LMBR1: variants seen among roughly 807,000 people sequenced by gnomAD.
LMBR1 encodes the protein limb development membrane protein 1, also known as limb region 1 protein homolog.
A neutral mutation model predicts 73.9 loss-of-function variants in LMBR1; 52 were observed. The ratio of observed to expected loss-of-function variants is 0.70; its 90% CI spans 0.56 to 0.89. The LOEUF (loss-of-function observed/expected upper bound fraction) is 0.89. Ranked by LOEUF, LMBR1 falls within the 40% of genes least tolerant of loss-of-function variation. The probability of loss-of-function intolerance (pLI) is 0.00; values close to 1 mark genes in which losing one functional copy is unlikely to be tolerated. For synonymous variants in LMBR1, 215 were observed against 209.4 expected (o/e 1.03, Z -0.23); for missense variants, 539 against 579.8 (o/e 0.93, Z 0.72).
At chr7:156,697,697 T>C (rs565521729) in intron 15 of LMBR1, among the ~76,000 whole-genome samples, 1 of 152,224 alleles carries the variant, frequency 6.6e-6, no homozygotes, top group African/African-American at 2.4e-5. Context: ...TCAGACCTTA[T>C]GGTTGTCTTC....
At position 156,689,842 on chromosome 7, in the gene LMBR1, A is replaced by G. The variant is rs189179751; in HGVS notation, c.1226-1651T>C. On this transcript the variant is annotated intron_variant, in intron 15 of 16. Transcript: ENST00000353442. ...TGTTAAAAGGAATACATATCTAATT[A>G]TAAGTTTTATTTTTCAAATACAGTA... is the stretch of plus-strand genomic sequence containing the variant. 2.0e-5 allele frequency among the ~76,000 whole-genome samples: 3 copies of G among 152,338 alleles called. No homozygotes were observed. In the East Asian group the frequency reaches 5.8e-4, roughly 29 times the overall value.
intron 3 of LMBR1, 68 bp downstream of exon 3, chr7:156,833,685 A>G (rs1837086000): frequency 2.6e-6 from 3 of 1,165,294 alleles, no homozygotes; most frequent in South Asian, 2.6e-5. Context: ...TCCAAAAATT[A>G]GAATTGGATT....
intron 1 of LMBR1, among the ~76,000 whole-genome samples, chr7:156,874,766 A>G (rs1799911710): frequency 6.6e-6 from 1 of 152,194 alleles, no homozygotes; most frequent in South Asian, 2.1e-4. Flanking sequence ...CATCTGTGGA[A>G]CACCCCGGGA....
At chr7:156,847,990 T>C (rs1045223368) in intron 1 of LMBR1, among the ~76,000 whole-genome samples, 2 of 151,870 alleles carry the variant, frequency 1.3e-5, no homozygotes, top group African/African-American at 4.8e-5. Context: ...CTTTTCATAA[T>C]TGCCAAAACT....
chr7:156,721,150 T>G (rs577792054), intron 15 of LMBR1, among the ~76,000 whole-genome samples: 1 of 152,250 alleles, frequency 6.6e-6, no homozygotes, highest in African/African-American at 2.4e-5. Context: ...AAAAACAAAT[T>G]GTATTTGGAC....
intron 15 of LMBR1, among the ~76,000 whole-genome samples, chr7:156,698,821 C>T (rs566085983): frequency 1.6e-4 from 24 of 152,342 alleles, no homozygotes; most frequent in Non-Finnish European, 3.1e-4. Flanking sequence ...TGGTGATTAA[C>T]ATTCAGCTCC....
At chr7:156,835,782 C>A (rs1837539247) in intron 2 of LMBR1, among the ~76,000 whole-genome samples, 1 of 151,890 alleles carries the variant, frequency 6.6e-6, no homozygotes, top group South Asian at 2.1e-4. Context: ...ACACTACCAA[C>A]TAGGTCCAGG....
At chr7:156,714,355 A>T (rs2132234078) in intron 15 of LMBR1, among the ~76,000 whole-genome samples, 1 of 152,338 alleles carries the variant, frequency 6.6e-6, no homozygotes, top group Middle Eastern at 3.4e-3. Flanking sequence ...GTCTTGAATG[A>T]CATGTTAGGT....
chr7:156,790,564 A>G (rs2133309268), intron 5 of LMBR1, among the ~76,000 whole-genome samples: 1 of 152,140 alleles, frequency 6.6e-6, no homozygotes, highest in African/African-American at 2.4e-5. Context: ...GCAAAGATGA[A>G]CATACTATAT....
chr7:156,816,134 C>T lies in LMBR1; in HGVS notation c.319+10471G>A, dbSNP rs561484370. Among the ~76,000 whole-genome samples the T allele has an allele frequency of 2.0e-4, 30 of 152,222 alleles. No homozygotes were observed. The South Asian group carries it at 2.3e-3, about 12-fold the overall frequency. On this transcript the variant is annotated intron_variant, in intron 4 of 16. Transcript: ENST00000353442. ...GTATCTCTTCTGACTAACCAATACA[C>T]TTACTTTTATTAAAACAAAGATAGT... is the stretch of plus-strand genomic sequence containing the variant.
At chr7:156,778,518 A>G (rs192221994) in intron 5 of LMBR1, among the ~76,000 whole-genome samples, 34 of 152,326 alleles carry the variant, frequency 2.2e-4, no homozygotes, top group Middle Eastern at 6.8e-3. Flanking sequence ...CTTTACATAA[A>G]CCTTTTAAAA....
At chr7:156,839,786 G>T (rs889286584) in intron 1 of LMBR1, among the ~76,000 whole-genome samples, 5 of 152,202 alleles carry the variant, frequency 3.3e-5, no homozygotes, top group Admixed American at 6.5e-5. Context: ...GGGCATCAAA[G>T]ATTCCCTGCC....
chr7:156,807,400 G>A (rs1025069033), intron 4 of LMBR1, among the ~76,000 whole-genome samples: 6 of 151,418 alleles, frequency 4.0e-5, no homozygotes, highest in African/African-American at 1.5e-4. Context: ...GAATATTTGA[G>A]AAGGCTTTAA....
At chr7:156,786,572 A>G (rs1247693745) in intron 5 of LMBR1, among the ~76,000 whole-genome samples, 1 of 152,226 alleles carries the variant, frequency 6.6e-6, no homozygotes, top group Admixed American at 6.5e-5. Context: ...AGAATAGACT[A>G]TATTATTCAT....
intron 15 of LMBR1, among the ~76,000 whole-genome samples, chr7:156,693,344 T>A (rs542379940): frequency 6.7e-6 from 1 of 149,502 alleles, no homozygotes; most frequent in African/African-American, 2.5e-5. Flanking sequence ...TTAGAAAATA[T>A]AGAAACATTA....
Position 156,727,919 on chromosome 7 carries a change from T to G in LMBR1, c.993+11A>C. ...TGCAAAAGAAAGACATTTTAAAGGATTTTACTTTACCCTTGTTCCTTTTGG... is the reference window on the plus strand; with the variant it reads ...TGCAAAAGAAAGACATTTTAAAGGAGTTTACTTTACCCTTGTTCCTTTTGG... On this transcript the variant is annotated intron_variant, in intron 12 of 16. Transcript: ENST00000353442. The G allele has an allele frequency of 1.9e-6, 3 of 1,599,932 alleles. No individual in the cohort carries two copies. The highest frequency in any genetic ancestry group is 2.6e-6 in the Non-Finnish European group (3 of 1,168,012).
At chr7:156,671,658 C>T (rs1385476294) in intron 4 of LMBR1, among the ~76,000 whole-genome samples, 12 of 152,126 alleles carry the variant, frequency 7.9e-5, no homozygotes, top group Admixed American at 6.5e-4. Context: ...CCGATGTTTG[C>T]GGTACAGGCG....
intron 4 of LMBR1, among the ~76,000 whole-genome samples, chr7:156,812,281 T>C (rs1833222780): frequency 6.6e-6 from 1 of 152,112 alleles, no homozygotes; most frequent in African/African-American, 2.4e-5. Context: ...GGCCATAATC[T>C]AATTACATGA....
At position 156,679,270 on chromosome 7, in the gene LMBR1, C is replaced by T. The variant is rs1990256; in HGVS notation, c.*4808G>A. ...ACGCCCCAGGCCCCTCTCACCACCCCTGCTTCCAAGTCTTTGATGAGATTC... is the reference window on the plus strand; with the variant it reads ...ACGCCCCAGGCCCCTCTCACCACCCTTGCTTCCAAGTCTTTGATGAGATTC... On this transcript the variant is annotated 3_prime_UTR_variant, in exon 17 of 17. Transcript: ENST00000353442. The T allele has an allele frequency of 0.54, 82,430 of 151,976 alleles. 22,610 individuals are homozygous for T. Among genetic ancestry groups the T allele is most frequent in the Admixed American group, 0.61 (9,349 of 15,266 alleles). 9.4% of individuals were successfully genotyped at this position (151,976 alleles called of 1,614,324 possible).
Sources: allele counts gnomAD v4.1 joint callset (sites outside exome capture counted in the v4.1 genomes callset), GRCh38; gene constraint gnomAD v4.1.1; transcripts MANE v1.5; gene names NCBI Gene and HGNC (gene_info 2026-07-23, HGNC 2026-07-21).